PAH: variants seen among roughly 807,000 people sequenced by gnomAD.
PAH encodes phenylalanine-4-hydroxylase.
A neutral mutation model predicts 62.0 loss-of-function variants in PAH; 64 were observed. The ratio of observed to expected loss-of-function variants is 1.03; its 90% CI spans 0.84 to 1.27. The LOEUF is 1.27. Ranked by LOEUF, PAH falls within the 50% of genes most tolerant of loss-of-function variation. The pLI is 0.00. For missense variants in PAH, 579 were observed against 542.8 expected (o/e 1.07, Z -0.66); for synonymous variants, 195 against 196.2 (o/e 0.99, Z 0.05).
chr12:102,950,006 A>G (rs995672035), intron 1 of PAH: 2 of 152,140 alleles, frequency 1.3e-5, no homozygotes, highest in African/African-American at 4.8e-5. Context: ...TCTGAACAGT[A>G]TTTTCTAACA....
At chr12:102,846,986 C>T (rs1874880643) in intron 8 of PAH, 35 bp from the exon 9 acceptor site, 1 of 1,589,132 alleles carries the variant, frequency 6.3e-7, no homozygotes. Context: ...TGTTCTGTTC[C>T]TGTAATTGGA....
chr12:102,941,310 A>T (rs1879279957), intron 1 of PAH, among the ~76,000 whole-genome samples: 1 of 152,212 alleles, frequency 6.6e-6, no homozygotes, highest in Non-Finnish European at 1.5e-5. Context: ...ACATTTCCAT[A>T]TTAAACTAGC....
chr12:102,841,112 G>T (rs548585428), intron 11 of PAH, among the ~76,000 whole-genome samples: 1 of 152,080 alleles, frequency 6.6e-6, no homozygotes, highest in Non-Finnish European at 1.5e-5. Flanking sequence ...GAGGAAACAG[G>T]CTTGGGAAGG....
At chr12:102,897,456 T>TGC (rs1292506979) in intron 2 of PAH, among the ~76,000 whole-genome samples, 154 of 122,408 alleles carry the variant, frequency 1.3e-3, no homozygotes, top group Non-Finnish European at 2.1e-3. Flanking sequence ...TATATATGTG[T>TGC]GTGTGTGTGT....
chr12:102,869,826 TC>T (rs1876220629), intron 4 of PAH, among the ~76,000 whole-genome samples: 1 of 152,212 alleles, frequency 6.6e-6, no homozygotes, highest in South Asian at 2.1e-4. Flanking sequence ...TCTGTAGCCG[TC>T]CATGTGGAGT....
At chr12:102,898,425 C>T (rs1877599678) in intron 2 of PAH, among the ~76,000 whole-genome samples, 2 of 152,104 alleles carry the variant, frequency 1.3e-5, no homozygotes, top group Admixed American at 1.3e-4. Context: ...AACAAACAAA[C>T]ACATAATAGG....
chr12:102,850,675 G>A (rs879537842), intron 8 of PAH, among the ~76,000 whole-genome samples: 10 of 152,150 alleles, frequency 6.6e-5, no homozygotes, highest in Non-Finnish European at 1.0e-4. Context: ...GGCAGGGTTG[G>A]AGCCTAGGTA....
At chr12:102,856,332 C>T (rs1055476956) in intron 5 of PAH, among the ~76,000 whole-genome samples, 9 of 152,224 alleles carry the variant, frequency 5.9e-5, no homozygotes, top group Admixed American at 1.3e-4. Context: ...TTTAAAAGTC[C>T]GGGAAGCTCA....
chr12:102,895,119 G>A (rs979058397), intron 2 of PAH, among the ~76,000 whole-genome samples: 2 of 152,142 alleles, frequency 1.3e-5, no homozygotes, highest in African/African-American at 4.8e-5. Context: ...TAAGTGGCAG[G>A]AGGTGGGGCA....
At chr12:102,883,755 G>A (rs1477057717) in intron 3 of PAH, among the ~76,000 whole-genome samples, 1 of 152,142 alleles carries the variant, frequency 6.6e-6, no homozygotes, top group Non-Finnish European at 1.5e-5. Flanking sequence ...TCAAGAAAAG[G>A]TCCAAAACAC....
upstream of PAH, chr12:102,917,382 G>A: frequency 5.8e-6 from 3 of 520,172 alleles, no homozygotes; most frequent in East Asian, 3.5e-5. Context: ...GAGGGGCTGA[G>A]GGAGGGTGTG....
chr12:102,948,384 A>G (rs1215337339), intron 1 of PAH, among the ~76,000 whole-genome samples: 1 of 152,158 alleles, frequency 6.6e-6, no homozygotes, highest in Non-Finnish European at 1.5e-5. Flanking sequence ...TCTTTTGGGT[A>G]AAGACAAAGC....
At chr12:102,840,588 G>T in intron 11 of PAH, 73 bp from the exon 12 acceptor site, 1 of 1,033,026 alleles carries the variant, frequency 9.7e-7, no homozygotes. Flanking sequence ...GTTCTCAGTG[G>T]CATTTTACTT....
At chr12:102,918,458 CAAAT>C (rs71303530), upstream of PAH, among the ~76,000 whole-genome samples, 20 of 151,330 alleles carry the variant, frequency 1.3e-4, no homozygotes, top group Non-Finnish European at 2.7e-4. Context: ...AATAAATAAA[CAAAT>C]AAATAAATAA....
chr12:102,910,837 C>T (rs999014832), intron 2 of PAH, among the ~76,000 whole-genome samples: 5 of 150,522 alleles, frequency 3.3e-5, no homozygotes, highest in East Asian at 1.9e-4. Flanking sequence ...TCTGGACCCA[C>T]GCAGCCTTCC....
intron 4 of PAH, among the ~76,000 whole-genome samples, chr12:102,871,314 G>T (rs759337422): frequency 6.6e-6 from 1 of 152,188 alleles, no homozygotes; most frequent in Non-Finnish European, 1.5e-5. Flanking sequence ...CTATGATGCT[G>T]CAGAGTGCAC....
intron 1 of PAH, chr12:102,946,703 C>T (rs1407582360): frequency 6.6e-6 from 1 of 152,264 alleles, no homozygotes; most frequent in African/African-American, 2.4e-5. Flanking sequence ...GTGTCCCTTT[C>T]AGTGATATAA....
intron 2 of PAH, among the ~76,000 whole-genome samples, chr12:102,895,237 A>G (rs1462400596): frequency 6.6e-6 from 1 of 152,206 alleles, no homozygotes; most frequent in Non-Finnish European, 1.5e-5. Flanking sequence ...GGCTGCCAAA[A>G]ATATTTACAT....
chr12:102,874,704 G>A (rs528439249), intron 4 of PAH, among the ~76,000 whole-genome samples: 28 of 152,336 alleles, frequency 1.8e-4, no homozygotes, highest in African/African-American at 6.0e-4. Flanking sequence ...AGGAGACTGG[G>A]AAAGAAGGGG....
Sources: allele counts gnomAD v4.1 joint callset (sites outside exome capture counted in the v4.1 genomes callset), GRCh38; gene constraint gnomAD v4.1.1; transcripts MANE v1.5; gene names NCBI Gene and HGNC (gene_info 2026-07-23, HGNC 2026-07-21).